Variants in TMEM64 observed in about 807,000 individuals in gnomAD.
TMEM64 encodes transmembrane protein 64.
TMEM64 carries 19 observed loss-of-function variants against 24.5 expected under a neutral mutation model. The ratio of observed to expected loss-of-function variants is 0.78; its 90% CI spans 0.54 to 1.14. The LOEUF is 1.14. Among genes scored for constraint, TMEM64 ranks in the 50% most tolerant of loss-of-function variants. The probability of loss-of-function intolerance (pLI) is 0.00; values close to 1 mark genes in which losing one functional copy is unlikely to be tolerated. For synonymous variants in TMEM64, 262 were observed against 224.7 expected (o/e 1.17, Z -1.49); for missense variants, 487 against 493.0 (o/e 0.99, Z 0.12).
chr8:90,642,914 G>A (rs1809625949), intron 1 of TMEM64, among the ~76,000 whole-genome samples: 1 of 152,130 alleles, frequency 6.6e-6, no homozygotes, highest in African/African-American at 2.4e-5. Context: ...TATTGCAAGA[G>A]GCCATTTTTC....
At chr8:90,626,103 A>G (rs1809355620) in intron 2 of TMEM64, among the ~76,000 whole-genome samples, 1 of 152,200 alleles carries the variant, frequency 6.6e-6, no homozygotes, top group South Asian at 2.1e-4. Context: ...AGGAAAACAC[A>G]CATTCCTTTT....
intron 1 of TMEM64, among the ~76,000 whole-genome samples, chr8:90,636,183 C>T (rs902132493): frequency 3.9e-5 from 6 of 152,194 alleles, no homozygotes; most frequent in South Asian, 2.1e-4. Context: ...CAGTAACATA[C>T]ATATACACAG....
intron 1 of TMEM64, among the ~76,000 whole-genome samples, chr8:90,640,771 T>C (rs1393057020): frequency 6.6e-6 from 1 of 152,202 alleles, no homozygotes; most frequent in South Asian, 2.1e-4. Flanking sequence ...AAAGTTATGA[T>C]GACATCTTTC....
chr8:90,643,429 A>G (rs1809637583), intron 1 of TMEM64, among the ~76,000 whole-genome samples: 1 of 152,232 alleles, frequency 6.6e-6, no homozygotes, highest in Non-Finnish European at 1.5e-5. Context: ...AACTTGCCCA[A>G]GGTCACTAGA....
intron 1 of TMEM64, among the ~76,000 whole-genome samples, chr8:90,639,219 G>T (rs1809566020): frequency 6.6e-6 from 1 of 152,086 alleles, no homozygotes; most frequent in Admixed American, 6.6e-5. Context: ...AAATGGTTAG[G>T]TCAATGTCTG....
chr8:90,638,326 T>C (rs1408765672), intron 1 of TMEM64, among the ~76,000 whole-genome samples: 2 of 152,152 alleles, frequency 1.3e-5, no homozygotes, highest in Non-Finnish European at 2.9e-5. Flanking sequence ...TCTACGTTGT[T>C]CCTTCTGGGG....
intron 2 of TMEM64, among the ~76,000 whole-genome samples, 175 bp from the exon 3 acceptor site, chr8:90,626,037 G>A (rs1177752191): frequency 1.3e-5 from 2 of 152,122 alleles, no homozygotes; most frequent in East Asian, 3.8e-4. Flanking sequence ...TCTTTCCTTT[G>A]CTGCTTCTCC....
chr8:90,636,604 T>C (rs911724358), intron 1 of TMEM64, among the ~76,000 whole-genome samples: 1 of 152,180 alleles, frequency 6.6e-6, no homozygotes, highest in Non-Finnish European at 1.5e-5. Context: ...AGAATCTCCA[T>C]CTAGCTCAGT....
At chr8:90,630,088 T>C (rs1372171603) in intron 2 of TMEM64, among the ~76,000 whole-genome samples, 1 of 152,164 alleles carries the variant, frequency 6.6e-6, no homozygotes, top group Non-Finnish European at 1.5e-5. Context: ...TTAGTATTAT[T>C]TGCTTAGAGG....
Position 90,625,681 on chromosome 8 carries a change from T to C in TMEM64, c.1133A>G (p.Asn378Ser). 2 of 1,613,430 alleles carry C rather than the reference T, an allele frequency of 1.2e-6. No homozygotes were observed. Among genetic ancestry groups the C allele is most frequent in the African/African-American group, 1.3e-5 (1 of 75,006 alleles). Residue 378 changes from asparagine to serine, a missense_variant, in exon 3 of 3, where the codon AAT becomes AGT. By Grantham distance (46) the Asn-to-Ser change is conservative. Transcript: ENST00000458549. ...CGTATCTCATTAGAATCATACAACA[T>C]TGATTCCACCTCCAGAAAATGTTAG... ...RTLTFSGGGI[N>S]VV
rs1236351243 is a variant in TMEM64 at position 90,646,058 on chromosome 8, G to C, written c.-153C>G. The C allele has an allele frequency of 7.5e-6, 2 of 266,006 alleles. No individual in the cohort carries two copies. The highest frequency in any genetic ancestry group is 1.3e-5 in the Non-Finnish European group (2 of 159,380). 16.5% of individuals were successfully genotyped at this position (266,006 alleles called of 1,614,324 possible). A position where few individuals can be genotyped will look rare whatever the true frequency, so the allele number is the denominator to read the frequency against. ...GCCCGTAGAAGGGCGCGGAGTCAGC[G>C]GAGGAGCGACGGCCAGGCGGGGAGT... is the stretch of plus-strand genomic sequence containing the variant. On this transcript the variant is annotated 5_prime_UTR_variant, in exon 1 of 3. Coordinates refer to ENST00000458549, the MANE Select transcript of TMEM64 (RefSeq NM_001008495.4).
At chr8:90,638,632 T>C (rs570917757) in intron 1 of TMEM64, among the ~76,000 whole-genome samples, 1 of 152,320 alleles carries the variant, frequency 6.6e-6, no homozygotes, top group Admixed American at 6.5e-5. Flanking sequence ...AACAAATGCC[T>C]ACTATATATT....
intron 1 of TMEM64, among the ~76,000 whole-genome samples, chr8:90,635,640 T>A (rs1181830513): frequency 6.6e-6 from 1 of 152,126 alleles, no homozygotes; most frequent in African/African-American, 2.4e-5. Flanking sequence ...CAAAGAATGA[T>A]GTGAATGGAG....
At chr8:90,626,002 T>C (rs542609475) in intron 2 of TMEM64, 140 bp from the exon 3 acceptor site, 2 of 633,658 alleles carry the variant, frequency 3.2e-6, no homozygotes. Context: ...CATTTTTAAA[T>C]AGTTTACACA....
At chr8:90,641,895 T>C (rs1326697412) in intron 1 of TMEM64, among the ~76,000 whole-genome samples, 2 of 152,204 alleles carry the variant, frequency 1.3e-5, no homozygotes, top group Non-Finnish European at 2.9e-5. Flanking sequence ...TTATCACAGC[T>C]TTGCAGCAGG....
intron 2 of TMEM64, 110 bp downstream of exon 2, chr8:90,631,442 C>G (rs1399121952): frequency 9.9e-7 from 1 of 1,006,474 alleles, no homozygotes; most frequent in Non-Finnish European, 1.4e-6. Context: ...AGAAAAAAAT[C>G]TAAAATGGAA....
rs1809306323 is a variant in TMEM64 at position 90,623,190 on chromosome 8, T to C, written c.*2481A>G. The C allele has an allele frequency of 6.6e-6, 1 of 152,192 alleles. No individual in the cohort carries two copies. The highest frequency in any genetic ancestry group is 2.1e-4 in the South Asian group (1 of 4,832). 9.4% of individuals were successfully genotyped at this position (152,192 alleles called of 1,614,324 possible). ...TTTAAGTGTGCATTAAGCAACTTTA[T>C]ACTGCACTTTAACAGTCTGAGAAAT... On this transcript the variant is annotated 3_prime_UTR_variant, in exon 3 of 3. Transcript: ENST00000458549.
At chr8:90,636,942 A>C (rs1809527106) in intron 1 of TMEM64, among the ~76,000 whole-genome samples, 1 of 152,348 alleles carries the variant, frequency 6.6e-6, no homozygotes, top group East Asian at 1.9e-4. Flanking sequence ...CTGTCATCTC[A>C]TGTTTTAAAA....
chr8:90,645,723 G>T lies in TMEM64; in HGVS notation c.183C>A (p.Ala61=). 1.7e-6 allele frequency: 2 copies of T among 1,186,940 alleles called. No individual in the cohort carries two copies. Among genetic ancestry groups the T allele is most frequent in the Non-Finnish European group, 2.1e-6 (2 of 960,558 alleles). 73.5% of individuals were successfully genotyped at this position (1,186,940 alleles called of 1,614,324 possible). A position where few individuals can be genotyped will look rare whatever the true frequency, so the allele number is the denominator to read the frequency against. ...GATAGGCGCCGAGCAGGGCGCCCGA[G>T]GCCGCCGCTGCTGCCGCCGCCGCGC... The part of the protein sequence containing the change: ...GASAAAAAAA[A]SGALLGAYLE... The change falls in exon 1 of 3, where the codon GCC becomes GCA. Residue 61 remains alanine (A), a synonymous_variant. Transcript: ENST00000458549. This position sits in a 1 kb window ranked among gnomAD's most constrained non-coding sequence, Gnocchi z 4.2.
Sources: allele counts gnomAD v4.1 joint callset (sites outside exome capture counted in the v4.1 genomes callset), GRCh38; gene constraint gnomAD v4.1.1; non-coding constraint Gnocchi (gnomAD v3.1); transcripts MANE v1.5; gene names NCBI Gene and HGNC (gene_info 2026-07-23, HGNC 2026-07-21).